IGSF3: variants seen among roughly 807,000 people sequenced by gnomAD.
IGSF3 encodes the protein glu-Trp-Ile EWI motif-containing protein 3.
A neutral mutation model predicts 114.4 loss-of-function variants in IGSF3; 23 were observed. The observed-to-expected ratio is 0.20, with a 90% CI of 0.14 to 0.28. The LOEUF is 0.28. IGSF3 is among the 10% of genes least tolerant of loss of function. The pLI, the probability that IGSF3 is intolerant of heterozygous loss-of-function variation, is 1.00. For synonymous variants in IGSF3, 571 were observed against 645.2 expected (o/e 0.88, Z 1.74); for missense variants, 1,172 against 1,591.5 (o/e 0.74, Z 4.48).
Position 116,632,766 on chromosome 1 carries a change from G to T in IGSF3, c.44-16309C>A, listed in dbSNP as rs1435171635. ...AGAGCCTGGCCTGGAGCATGAGGGA[G>T]AACCACAGCCAACTCCAGAAAAATA... On this transcript the variant is annotated intron_variant, in intron 2 of 10. Transcript: ENST00000369486. The surrounding 1 kb of genome is among the most constrained non-coding windows in gnomAD (Gnocchi z 5.1). Among the ~76,000 whole-genome samples the T allele has an allele frequency of 6.6e-6, 1 of 152,164 alleles. No individual in the cohort carries two copies. Among genetic ancestry groups the T allele is most frequent in the Admixed American group, 6.5e-5 (1 of 15,286 alleles).
At position 116,651,619 on chromosome 1, in the gene IGSF3, T is replaced by A. The variant is rs1648639335; in HGVS notation, c.43+14665A>T. 6.6e-6 allele frequency among the ~76,000 whole-genome samples: 1 copy of A among 152,218 alleles called. No homozygotes were observed. Among genetic ancestry groups the A allele is most frequent in the Admixed American group, 6.5e-5 (1 of 15,288 alleles). ...CATTCAACATTCAATACATATTGAC[T>A]GAGCAACTATTAGGTTGAACTATGT... is the stretch of plus-strand genomic sequence containing the variant. On this transcript the variant is annotated intron_variant, in intron 2 of 10. Coordinates refer to ENST00000369486, the MANE Select transcript of IGSF3 (RefSeq NM_001007237.3). This position sits in a 1 kb window ranked among gnomAD's most constrained non-coding sequence, Gnocchi z 4.4.
rs1659363055 is a variant in IGSF3 at position 116,576,842 on chromosome 1, C to CA, written c.*469dup. 1 of 154,126 alleles carries CA rather than the reference C, an allele frequency of 6.5e-6. No homozygotes were observed. Among genetic ancestry groups the CA allele is most frequent in the Non-Finnish European group, 1.4e-5 (1 of 69,112 alleles). The allele number at this position is 154,126 out of a possible 1,614,324, so 9.5% of individuals were successfully genotyped here. A position where few individuals can be genotyped will look rare whatever the true frequency, so the allele number is the denominator to read the frequency against. ...GGTGGCATTTTCAAATGTGCAAAAA[C>CA]AAAGTCTTGGAAGAGATTCCTTGTC... On this transcript the variant is annotated 3_prime_UTR_variant, in exon 11 of 11. Transcript: ENST00000369486. This position sits in a 1 kb window ranked among gnomAD's most constrained non-coding sequence, Gnocchi z 4.6.
In IGSF3 at chr1:116,595,333, A is replaced by G. The variant is rs1660298514; in HGVS notation, c.2029+4608T>C. Reference sequence around the variant, plus strand: ...TGACACCCATTCTATCTTGGCACAGACAACAGGCAGAAGCCACCTGGGATG... The same window carrying G: ...TGACACCCATTCTATCTTGGCACAGGCAACAGGCAGAAGCCACCTGGGATG... On this transcript the variant is annotated intron_variant, in intron 7 of 10. Transcript: ENST00000369486. The surrounding 1 kb of genome is among the most constrained non-coding windows in gnomAD (Gnocchi z 4.2). Among the ~76,000 whole-genome samples, 1 of 152,156 alleles carries G rather than the reference A, an allele frequency of 6.6e-6. No individual in the cohort carries two copies. The highest frequency in any genetic ancestry group is 1.5e-5 in the Non-Finnish European group (1 of 68,018).
At chr1:116,653,688 T>A (rs1354291594) in intron 2 of IGSF3, among the ~76,000 whole-genome samples, 1 of 152,230 alleles carries the variant, frequency 6.6e-6, no homozygotes, top group African/African-American at 2.4e-5. Flanking sequence ...TCTAGGACAA[T>A]TCACCTTTAA....
chr1:116,579,662 CG>C lies in IGSF3; in HGVS notation c.3063del (p.Asp1021GlufsTer14), dbSNP rs766373978. 2.1e-4 allele frequency: 337 copies of C among 1,592,098 alleles called. No individual in the cohort carries two copies. The highest frequency in any genetic ancestry group is 5.3e-4 in the Admixed American group (31 of 58,686). On this transcript the variant is annotated frameshift_variant, in exon 10 of 11. Coordinates refer to ENST00000369486, the MANE Select transcript of IGSF3 (RefSeq NM_001007237.3). LOFTEE classifies it high-confidence loss of function. This position sits in a 1 kb window ranked among gnomAD's most constrained non-coding sequence, Gnocchi z 6.4. ...EEREEEEEED[D>X]DDDDDPTERT... ...CGCTCTGTTGGGTCGTCGTCGTCGT[CG>C]TCGTCCTCCTCCTCCTCCTCCTCCC... is the stretch of plus-strand genomic sequence containing the variant.
Position 116,644,930 on chromosome 1 carries a change from T to A in IGSF3, c.43+21354A>T, listed in dbSNP as rs972411221. Among the ~76,000 whole-genome samples, 104 of 151,826 alleles carry A rather than the reference T, an allele frequency of 6.8e-4. 1 individual carries two copies. The highest frequency in any genetic ancestry group is 2.2e-3 in the African/African-American group (91 of 41,364). ...CCTTCATACATGGCTGGTGGGGAGG[T>A]AGGATGGTGCAGCCACTTTGGAAAA... On this transcript the variant is annotated intron_variant, in intron 2 of 10. Transcript: ENST00000369486. The surrounding 1 kb of genome is among the most constrained non-coding windows in gnomAD (Gnocchi z 5.6).
In IGSF3 at chr1:116,666,418, G is replaced by T; in HGVS notation, c.-92C>A. 8.4e-7 allele frequency: 1 copy of T among 1,187,416 alleles called. No homozygotes were observed. Among genetic ancestry groups the T allele is most frequent in the Non-Finnish European group, 1.3e-6 (1 of 792,870 alleles). 73.6% of individuals were successfully genotyped at this position (1,187,416 alleles called of 1,614,324 possible). ...CTGGCAATCCACTTATAGCTCCAGA[G>T]AACAGTTTTGGAAATAGAACTTAAC... On this transcript the variant is annotated 5_prime_UTR_variant, in exon 2 of 11. Coordinates refer to ENST00000369486, the MANE Select transcript of IGSF3 (RefSeq NM_001007237.3).
Position 116,583,889 on chromosome 1 carries a change from C to T in IGSF3, c.2848+756G>A, listed in dbSNP as rs944339610. ...AGGCCACACAGAATAGTTATTAGTACTAATAAAATTATTGGGACCAGGCAC... is the reference window on the plus strand; with the variant it reads ...AGGCCACACAGAATAGTTATTAGTATTAATAAAATTATTGGGACCAGGCAC... On this transcript the variant is annotated intron_variant, in intron 9 of 10. Coordinates refer to ENST00000369486, the MANE Select transcript of IGSF3 (RefSeq NM_001007237.3). The surrounding 1 kb of genome is among the most constrained non-coding windows in gnomAD (Gnocchi z 4.5). Among the ~76,000 whole-genome samples the T allele has an allele frequency of 3.9e-5, 6 of 152,122 alleles. No homozygotes were observed. Among genetic ancestry groups the T allele is most frequent in the Non-Finnish European group, 8.8e-5 (6 of 68,032 alleles).
rs1174758576 is a variant in IGSF3 at position 116,627,146 on chromosome 1, T to A, written c.44-10689A>T. Among the ~76,000 whole-genome samples, 1 of 152,078 alleles carries A rather than the reference T, an allele frequency of 6.6e-6. No homozygotes were observed. The highest frequency in any genetic ancestry group is 2.4e-5 in the African/African-American group (1 of 41,374). On this transcript the variant is annotated intron_variant, in intron 2 of 10. Transcript: ENST00000369486. This position sits in a 1 kb window ranked among gnomAD's most constrained non-coding sequence, Gnocchi z 4.7. ...AGGCTGAGTGTTGGGCATTTTTTTT[T>A]AAAGAGGGCAGCTTCGTGGCAACAC...
At chr1:116,597,053 T>C (rs1374517965) in intron 7 of IGSF3, among the ~76,000 whole-genome samples, 3 of 152,238 alleles carry the variant, frequency 2.0e-5, no homozygotes, top group South Asian at 2.1e-4. Flanking sequence ...TCTGATTACA[T>C]AGCCTTTAAA....
rs540853285 is a variant in IGSF3, at chr1:116,595,105, G to A, written c.2029+4836C>T. On this transcript the variant is annotated intron_variant, in intron 7 of 10. Transcript: ENST00000369486. The surrounding 1 kb of genome is among the most constrained non-coding windows in gnomAD (Gnocchi z 4.2). ...ATGCATGCAGAGAGACAGGGAGGGA[G>A]GGGCAAGGGGAAAGCAGCAAGAGTC... Among the ~76,000 whole-genome samples, 1 of 152,282 alleles carries A rather than the reference G, an allele frequency of 6.6e-6. No homozygotes were observed. The highest frequency in any genetic ancestry group is 2.1e-4 in the South Asian group (1 of 4,824).
rs571493260 is a variant in IGSF3 at position 116,620,143 on chromosome 1, C to T, written c.44-3686G>A. ...CACTGAGCTCCTAAACCCCTTGGAACTTCCTAAGCAATGGGAGTACCTTTT... is the reference window on the plus strand; with the variant it reads ...CACTGAGCTCCTAAACCCCTTGGAATTTCCTAAGCAATGGGAGTACCTTTT... On this transcript the variant is annotated intron_variant, in intron 2 of 10. Coordinates refer to ENST00000369486, the MANE Select transcript of IGSF3 (RefSeq NM_001007237.3). Among the ~76,000 whole-genome samples the T allele has an allele frequency of 1.5e-3, 234 of 152,296 alleles. 4 individuals are homozygous for T. Among genetic ancestry groups the T allele is most frequent in the African/African-American group, 5.3e-3 (220 of 41,550 alleles).
At position 116,593,460 on chromosome 1, in the gene IGSF3, G is replaced by A. The variant is rs1489892376; in HGVS notation, c.2030-4356C>T. The stretch of plus-strand genomic sequence containing the variant: ...AGAGATAGAGGCGGCCAGTGGCTGC[G>A]GCAGGAGATGTTTCAAGTGGAGAGA... On this transcript the variant is annotated intron_variant, in intron 7 of 10. Coordinates refer to ENST00000369486, the MANE Select transcript of IGSF3 (RefSeq NM_001007237.3). This position sits in a 1 kb window ranked among gnomAD's most constrained non-coding sequence, Gnocchi z 4.5. Among the ~76,000 whole-genome samples the A allele has an allele frequency of 6.6e-6, 1 of 152,176 alleles. No homozygotes were observed. The highest frequency in any genetic ancestry group is 1.5e-5 in the Non-Finnish European group (1 of 68,026).
In IGSF3 at chr1:116,579,945, G is replaced by C. The variant is rs1486309085; in HGVS notation, c.2849-68C>G. 7.4e-7 allele frequency: 1 copy of C among 1,351,130 alleles called. No homozygotes were observed. The highest frequency in any genetic ancestry group is 1.0e-6 in the Non-Finnish European group (1 of 999,500). 83.7% of individuals were successfully genotyped at this position (1,351,130 alleles called of 1,614,324 possible). The stretch of plus-strand genomic sequence containing the variant: ...TTTATTTGCTCAAAATAAACTAAAT[G>C]TCCATCATTAAACACATGATAGTAA... On this transcript the variant is annotated intron_variant, in intron 9 of 10. Transcript: ENST00000369486. This position sits in a 1 kb window ranked among gnomAD's most constrained non-coding sequence, Gnocchi z 6.4.
chr1:116,606,469 T>C, intron 5 of IGSF3: 1 of 1,612,718 alleles, frequency 6.2e-7, no homozygotes, highest in Non-Finnish European at 8.5e-7. Context: ...GATGTGATTG[T>C]TGTTGTTCTT....
At chr1:116,590,060 G>A (rs1162490565) in intron 7 of IGSF3, among the ~76,000 whole-genome samples, 1 of 152,044 alleles carries the variant, frequency 6.6e-6, no homozygotes, top group South Asian at 2.1e-4. Flanking sequence ...AGGATGCTGC[G>A]GGCGGGGGGA....
chr1:116,634,933 G>A lies in IGSF3; in HGVS notation c.44-18476C>T, dbSNP rs762220476. On this transcript the variant is annotated intron_variant, in intron 2 of 10. Coordinates refer to ENST00000369486, the MANE Select transcript of IGSF3 (RefSeq NM_001007237.3). This position sits in a 1 kb window ranked among gnomAD's most constrained non-coding sequence, Gnocchi z 4.2. ...AGCTACCCCACAGGAGAGACAAGGTGAAGAGAATGAGATGCCAGTCTCCAC... is the reference window on the plus strand; with the variant it reads ...AGCTACCCCACAGGAGAGACAAGGTAAAGAGAATGAGATGCCAGTCTCCAC... Among the ~76,000 whole-genome samples, 17 of 152,170 alleles carry A rather than the reference G, an allele frequency of 1.1e-4. No individual in the cohort carries two copies. The highest frequency in any genetic ancestry group is 3.9e-4 in the Admixed American group (6 of 15,276).
At position 116,631,174 on chromosome 1, in the gene IGSF3, C is replaced by T. The variant is rs564127649; in HGVS notation, c.44-14717G>A. On this transcript the variant is annotated intron_variant, in intron 2 of 10. Coordinates refer to ENST00000369486, the MANE Select transcript of IGSF3 (RefSeq NM_001007237.3). ...TCTACTAAAAATACAAAAAATTAGCCGGGAGCGGTGGCGGGCTCCTGTAGT... is the reference window on the plus strand; with the variant it reads ...TCTACTAAAAATACAAAAAATTAGCTGGGAGCGGTGGCGGGCTCCTGTAGT... Among the ~76,000 whole-genome samples, 5 of 151,456 alleles carry T rather than the reference C, an allele frequency of 3.3e-5. No individual in the cohort carries two copies. In the East Asian group the frequency reaches 9.7e-4, roughly 29 times the overall value.
At chr1:116,608,355 G>C (rs1482189235) in intron 4 of IGSF3, 24 bp from the exon 5 acceptor site, 2 of 1,597,998 alleles carry the variant, frequency 1.3e-6, no homozygotes, top group Non-Finnish European at 1.7e-6. Flanking sequence ...TAAGAAAAGA[G>C]ACACATCCTG....
Sources: allele counts gnomAD v4.1 joint callset (sites outside exome capture counted in the v4.1 genomes callset), GRCh38; gene constraint gnomAD v4.1.1; non-coding constraint Gnocchi (gnomAD v3.1); transcripts MANE v1.5; gene names NCBI Gene and HGNC (gene_info 2026-07-23, HGNC 2026-07-21).